The following TUSC2 variants were observed in gnomAD, a reference collection of about 807,000 sequenced individuals.
The protein encoded by TUSC2 is tumor suppressor 2, mitochondrial calcium regulator, also known as tumor suppressor candidate 2.
In TUSC2, 7 loss-of-function variants were observed where a neutral mutation model predicts 11.5. The ratio of observed to expected loss-of-function variants is 0.61; its 90% CI spans 0.35 to 1.14. The LOEUF is 1.14. Among genes scored for constraint, TUSC2 ranks in the 50% most tolerant of loss-of-function variants. The pLI, the probability that TUSC2 is intolerant of heterozygous loss-of-function variation, is 0.03. For synonymous variants in TUSC2, 61 were observed against 64.1 expected (o/e 0.95, Z 0.23); for missense variants, 132 against 155.0 (o/e 0.85, Z 0.79).
rs782317288 is a variant in TUSC2, at chr3:50,326,416, T to G, written c.208A>C (p.Thr70Pro). 1.2e-6 allele frequency: 2 copies of G among 1,613,854 alleles called. No homozygotes were observed. The highest frequency in any genetic ancestry group is 2.7e-5 in the African/African-American group (2 of 74,818). Residue 70 changes from threonine to proline, a missense_variant, in exon 2 of 3, where the codon ACC becomes CCC. Around this residue, in one of 3 missense-constraint regions of TUSC2, gnomAD observed 65 missense variants for 94.0 expected, o/e 0.69. Coordinates refer to ENST00000232496, the MANE Select transcript of TUSC2 (RefSeq NM_007275.3). The part of the protein sequence containing the change: ...AHEFYEETIV[T>P]KNGQKRAKLR... The stretch of plus-strand genomic sequence containing the variant: ...TTGGCCCGCTTCTGCCCGTTCTTGG[T>G]GACGATTGTCTCCTCATAGAACTCG...
intron 1 of TUSC2, among the ~76,000 whole-genome samples, chr3:50,327,693 G>C (rs948352861): frequency 6.6e-6 from 1 of 150,490 alleles, no homozygotes; most frequent in Non-Finnish European, 1.5e-5. Context: ...TCTTATGGAG[G>C]CCCTAGCTTA....
At chr3:50,327,784 G>T (rs770234331) in intron 1 of TUSC2, among the ~76,000 whole-genome samples, 170 bp downstream of exon 1, 13 of 152,314 alleles carry the variant, frequency 8.5e-5, no homozygotes, top group East Asian at 1.9e-4. Flanking sequence ...TGGCCAGGCC[G>T]CCAGGAGACC....
intron 2 of TUSC2, 39 bp from the exon 3 acceptor site, chr3:50,326,225 G>A (rs1702786538): frequency 6.2e-7 from 1 of 1,608,018 alleles, no homozygotes; most frequent in Non-Finnish European, 8.5e-7. Context: ...TCAGCTCAGG[G>A]CCTCTACTTC....
rs1702781608 is a variant in TUSC2 at position 50,325,952 on chromosome 3, C to T, written c.*169G>A. 2.5e-6 allele frequency: 2 copies of T among 815,502 alleles called. No homozygotes were observed. The highest frequency in any genetic ancestry group is 5.3e-5 in the Admixed American group (2 of 37,742). 50.5% of individuals were successfully genotyped at this position (815,502 alleles called of 1,614,324 possible). ...CCTCTTGTCCACACACAAACCAACA[C>T]CCAACCAATACTGTGGGACCGACCC... On this transcript the variant is annotated 3_prime_UTR_variant, in exon 3 of 3. Coordinates refer to ENST00000232496, the MANE Select transcript of TUSC2 (RefSeq NM_007275.3). The surrounding 1 kb of genome is among the most constrained non-coding windows in gnomAD (Gnocchi z 5.1).
chr3:50,327,333 T>C, intron 1 of TUSC2: 1 of 436,874 alleles, frequency 2.3e-6, no homozygotes, highest in South Asian at 1.6e-5. Context: ...GCCAAATCTC[T>C]AGCACAGGGA....
At position 50,325,931 on chromosome 3, in the gene TUSC2, T is replaced by C; in HGVS notation, c.*190A>G. Reference sequence around the variant, plus strand: ...GCCTTCACCACCCACCAACCACCTCTTGTCCACACACAAACCAACACCCAA... The same window carrying C: ...GCCTTCACCACCCACCAACCACCTCCTGTCCACACACAAACCAACACCCAA... On this transcript the variant is annotated 3_prime_UTR_variant, in exon 3 of 3. Coordinates refer to ENST00000232496, the MANE Select transcript of TUSC2 (RefSeq NM_007275.3). This position sits in a 1 kb window ranked among gnomAD's most constrained non-coding sequence, Gnocchi z 5.1. 1.4e-6 allele frequency: 1 copy of C among 703,446 alleles called. No individual in the cohort carries two copies. Among genetic ancestry groups the C allele is most frequent in the Non-Finnish European group, 2.4e-6 (1 of 418,186 alleles). The allele number at this position is 703,446 out of a possible 1,614,324, so 43.6% of individuals were successfully genotyped here.
intron 1 of TUSC2, among the ~76,000 whole-genome samples, chr3:50,327,683 T>C (rs1251709581): frequency 6.9e-6 from 1 of 144,744 alleles, no homozygotes; most frequent in Non-Finnish European, 1.5e-5. Context: ...CTTATGGAGG[T>C]CTTATGGAGG....
intron 1 of TUSC2, among the ~76,000 whole-genome samples, chr3:50,326,752 G>A (rs1702793682): frequency 6.6e-6 from 1 of 152,082 alleles, no homozygotes; most frequent in African/African-American, 2.4e-5. Context: ...CAAGTAGCTG[G>A]GACTACAGAC....
chr3:50,327,856 T>C (rs1183545576), intron 1 of TUSC2, 98 bp downstream of exon 1: 4 of 1,339,688 alleles, frequency 3.0e-6, no homozygotes, highest in Non-Finnish European at 3.8e-6. Flanking sequence ...TCGTCCTGGC[T>C]TGGCTGTAGT....
intron 2 of TUSC2, 81 bp from the exon 3 acceptor site, chr3:50,326,267 C>T (rs1039134793): frequency 8.2e-5 from 132 of 1,611,656 alleles, no homozygotes; most frequent in South Asian, 3.7e-4. Flanking sequence ...CAGATCCCCC[C>T]GCAAAAGCCC....
chr3:50,326,043 C>A lies in TUSC2; in HGVS notation c.*78G>T. On this transcript the variant is annotated 3_prime_UTR_variant, in exon 3 of 3. Coordinates refer to ENST00000232496, the MANE Select transcript of TUSC2 (RefSeq NM_007275.3). ...GGTTGTGGCCCCAGCCTGGGCTCCT[C>A]AATGGAAGCCACACCTTGATTGAGC... is the stretch of plus-strand genomic sequence containing the variant. The A allele has an allele frequency of 2.6e-6, 4 of 1,526,008 alleles. No individual in the cohort carries two copies. The highest frequency in any genetic ancestry group is 3.6e-6 in the Non-Finnish European group (4 of 1,124,500). The allele number at this position is 1,526,008 out of a possible 1,614,324, so 94.5% of individuals were successfully genotyped here.
Position 50,326,380 on chromosome 3 carries a change from C to T in TUSC2, c.244G>A (p.Val82Met). 6.2e-7 allele frequency: 1 copy of T among 1,613,986 alleles called. No homozygotes were observed. Residue 82 changes from valine to methionine, a missense_variant, in exon 2 of 3, where the codon GTG becomes ATG. By Grantham distance (21) the Val-to-Met change is conservative. Around this residue, in one of 3 missense-constraint regions of TUSC2, gnomAD observed 65 missense variants for 94.0 expected, o/e 0.69. Transcript: ENST00000232496. ...ACCTGAGGAATCAGATTCTTATGCACTCGCCTCAGCTTGGCCCGCTTCTGC... is the reference window on the plus strand; with the variant it reads ...ACCTGAGGAATCAGATTCTTATGCATTCGCCTCAGCTTGGCCCGCTTCTGC... ...NGQKRAKLRRVHKNLIPQGIV... is the reference protein window; with the variant it reads ...NGQKRAKLRRMHKNLIPQGIV...
Position 50,325,950 on chromosome 3 carries a change from C to T in TUSC2, c.*171G>A, listed in dbSNP as rs1167494822. On this transcript the variant is annotated 3_prime_UTR_variant, in exon 3 of 3. Coordinates refer to ENST00000232496, the MANE Select transcript of TUSC2 (RefSeq NM_007275.3). The surrounding 1 kb of genome is among the most constrained non-coding windows in gnomAD (Gnocchi z 5.1). ...CACCTCTTGTCCACACACAAACCAACACCCAACCAATACTGTGGGACCGAC... is the reference window on the plus strand; with the variant it reads ...CACCTCTTGTCCACACACAAACCAATACCCAACCAATACTGTGGGACCGAC... The T allele has an allele frequency of 7.5e-6, 6 of 799,836 alleles. No individual in the cohort carries two copies. The Admixed American group carries it at 8.0e-5, about 11-fold the overall frequency. The allele number at this position is 799,836 out of a possible 1,614,324, so 49.5% of individuals were successfully genotyped here. A position where few individuals can be genotyped will look rare whatever the true frequency, so the allele number is the denominator to read the frequency against.
rs1553717395 is a variant in TUSC2, at chr3:50,326,318, G to A, written c.267+39C>T. 6.2e-6 allele frequency: 10 copies of A among 1,613,354 alleles called. No homozygotes were observed. The East Asian group carries it at 6.7e-5, about 11-fold the overall frequency. On this transcript the variant is annotated intron_variant, in intron 2 of 2. Transcript: ENST00000232496. The stretch of plus-strand genomic sequence containing the variant: ...ATCCCATCTGGGTCCACCTCCACAC[G>A]CTTAGTGTAGGCTCTGTGACCGCTG...
rs2109331861 is a variant in TUSC2, at chr3:50,328,222, C to T, written c.-123G>A. On this transcript the variant is annotated 5_prime_UTR_variant, in exon 1 of 3. Coordinates refer to ENST00000232496, the MANE Select transcript of TUSC2 (RefSeq NM_007275.3). Reference sequence around the variant, plus strand: ...CCGCCGCCGCCTTCCGCAGGCTCGGCTGTCTCCACGGAAACCTCACTTCCG... The same window carrying T: ...CCGCCGCCGCCTTCCGCAGGCTCGGTTGTCTCCACGGAAACCTCACTTCCG... The T allele has an allele frequency of 1.7e-6, 2 of 1,188,060 alleles. No homozygotes were observed. The highest frequency in any genetic ancestry group is 3.2e-5 in the East Asian group (1 of 31,274). 73.6% of individuals were successfully genotyped at this position (1,188,060 alleles called of 1,614,324 possible).
At chr3:50,327,927 C>A in intron 1 of TUSC2, 27 bp downstream of exon 1, 1 of 1,430,186 alleles carries the variant, frequency 7.0e-7, no homozygotes, top group South Asian at 1.5e-5. Flanking sequence ...CCTGTTCCCC[C>A]CGCCAGGGTG....
chr3:50,326,963 A>T lies in TUSC2; in HGVS notation c.147-486T>A, dbSNP rs1268177822. On this transcript the variant is annotated intron_variant, in intron 1 of 2. Coordinates refer to ENST00000232496, the MANE Select transcript of TUSC2 (RefSeq NM_007275.3). The stretch of plus-strand genomic sequence containing the variant: ...TGGGGTTTGGGGTCTACTAGAAGAA[A>T]GTGGGAAGTGAGGTGATGGGTGGGC... 8.9e-6 allele frequency: 3 copies of T among 336,278 alleles called. No individual in the cohort carries two copies. The Admixed American group carries it at 1.2e-4, about 14-fold the overall frequency. 20.8% of individuals were successfully genotyped at this position (336,278 alleles called of 1,614,324 possible). A position where few individuals can be genotyped will look rare whatever the true frequency, so the allele number is the denominator to read the frequency against.
In TUSC2 at chr3:50,328,216, G is replaced by C; in HGVS notation, c.-117C>G. The C allele has an allele frequency of 8.3e-7, 1 of 1,211,792 alleles. No homozygotes were observed. The highest frequency in any genetic ancestry group is 1.1e-6 in the Non-Finnish European group (1 of 942,520). The allele number at this position is 1,211,792 out of a possible 1,614,324, so 75.1% of individuals were successfully genotyped here. On this transcript the variant is annotated 5_prime_UTR_variant, in exon 1 of 3. Transcript: ENST00000232496. ...GTGCCGCCGCCGCCGCCTTCCGCAG[G>C]CTCGGCTGTCTCCACGGAAACCTCA...
Position 50,328,013 on chromosome 3 carries a change from C to A in TUSC2, c.87G>T (p.Glu29Asp). The A allele has an allele frequency of 6.5e-7, 1 of 1,530,448 alleles. No individual in the cohort carries two copies. Among genetic ancestry groups the A allele is most frequent in the Admixed American group, 2.0e-5 (1 of 49,282 alleles). 94.8% of individuals were successfully genotyped at this position (1,530,448 alleles called of 1,614,324 possible). The change falls in exon 1 of 3, where the codon GAG becomes GAT. Residue 29 changes from glutamate to aspartate, a missense_variant. Glu to Asp is a conservative substitution (Grantham distance 45). Coordinates refer to ENST00000232496, the MANE Select transcript of TUSC2 (RefSeq NM_007275.3). ...GGCCCCGAGGCCGCACCAAAGCTTGCTCAGCTCCTGCTGCCTCTGAGCCGC... is the reference window on the plus strand; with the variant it reads ...GGCCCCGAGGCCGCACCAAAGCTTGATCAGCTCCTGCTGCCTCTGAGCCGC... ...GGGGSEAAGAEQALVRPRGRA... is the reference protein window; with the variant it reads ...GGGGSEAAGADQALVRPRGRA...
Sources: gnomAD v4.1 joint callset for allele counts (sites outside exome capture counted in the v4.1 genomes callset) on GRCh38, gnomAD v4.1.1 for gene constraint, gnomAD v4.1.1 regional missense constraint, Gnocchi (gnomAD v3.1) non-coding constraint, MANE v1.5 for transcripts, NCBI Gene and HGNC (gene_info 2026-07-23, HGNC 2026-07-21) for gene names.